The following TF variants were observed in gnomAD, a reference collection of about 807,000 sequenced individuals.
TF encodes serotransferrin.
A neutral mutation model predicts 82.4 loss-of-function variants in TF; 55 were observed. That is an observed-to-expected ratio of 0.67 (90% CI 0.54 to 0.84). TF has a LOEUF of 0.84. Ranked by LOEUF, TF falls within the 40% of genes least tolerant of loss-of-function variation. The pLI is 0.00. For missense variants in TF, 737 were observed against 868.4 expected (o/e 0.85, Z 1.90); for synonymous variants, 332 against 332.6 (o/e 1.00, Z 0.02).
rs543979200 is a variant in TF, at chr3:133,781,034, A to G, written c.*2414A>G. ...CTGGAAAATAATAAAAATAATAATAATAGGCAGGGCGTGGTGGCTCACACC... is the reference window on the plus strand; with the variant it reads ...CTGGAAAATAATAAAAATAATAATAGTAGGCAGGGCGTGGTGGCTCACACC... On this transcript the variant is annotated 3_prime_UTR_variant, in exon 17 of 17. Transcript: ENST00000402696. The G allele has an allele frequency of 6.6e-6, 1 of 150,950 alleles. No homozygotes were observed. Among genetic ancestry groups the G allele is most frequent in the East Asian group, 2.0e-4 (1 of 5,106 alleles). The allele number at this position is 150,950 out of a possible 1,614,324, so 9.4% of individuals were successfully genotyped here.
rs1002560350 is a variant in TF at position 133,790,693 on chromosome 3, G to A, written c.*12073G>A. 2.0e-5 allele frequency: 3 copies of A among 152,212 alleles called. No individual in the cohort carries two copies. The highest frequency in any genetic ancestry group is 2.1e-4 in the South Asian group (1 of 4,828). 9.4% of individuals were successfully genotyped at this position (152,212 alleles called of 1,614,324 possible). On this transcript the variant is annotated 3_prime_UTR_variant, in exon 17 of 17. Transcript: ENST00000402696. ...TTTTACTATAGTTAAGCATGAAGCC[G>A]GATTTGGTGTGGAGCCAAATTTCAC...
chr3:133,680,533 CTTT>C, the TF span, among the ~76,000 whole-genome samples: 2 of 145,238 alleles, frequency 1.4e-5, no homozygotes, highest in Admixed American at 6.9e-5. Flanking sequence ...CTTTTCTTTT[CTTT>C]TTTTTTTTTT....
At chr3:133,685,418 G>A in the TF span, among the ~76,000 whole-genome samples, 1 of 152,176 alleles carries the variant, frequency 6.6e-6, no homozygotes, top group African/African-American at 2.4e-5. Context: ...AATTCTCCCT[G>A]TGGGCAGATG....
chr3:133,732,927 C>T, the TF span, among the ~76,000 whole-genome samples: 2 of 152,274 alleles, frequency 1.3e-5, no homozygotes, highest in African/African-American at 4.8e-5. Flanking sequence ...TAGAAGTGAA[C>T]GACCAAGCCA....
In TF at chr3:133,777,173, A is replaced by G. The variant is rs1359475143; in HGVS notation, c.1997A>G (p.Tyr666Cys). ...GCCAAACTTCATGACAGAAACACATATGAAAAATACTTAGGAGAAGAATAT... is the reference window on the plus strand; with the variant it reads ...GCCAAACTTCATGACAGAAACACATGTGAAAAATACTTAGGAGAAGAATAT... ...CLAKLHDRNT[Y>C]EKYLGEEYVK... Residue 666 changes from tyrosine (Y) to cysteine (C), a missense_variant, in exon 16 of 17, where the codon TAT becomes TGT. Tyr to Cys is a radical substitution (Grantham distance 194, BLOSUM62 -2). Coordinates refer to ENST00000402696, the MANE Select transcript of TF (RefSeq NM_001063.4). 1 of 1,614,150 alleles carries G rather than the reference A, an allele frequency of 6.2e-7. No individual in the cohort carries two copies. Among genetic ancestry groups the G allele is most frequent in the South Asian group, 1.1e-5 (1 of 91,088 alleles).
At chr3:133,676,222 T>C in the TF span, among the ~76,000 whole-genome samples, 1 of 152,130 alleles carries the variant, frequency 6.6e-6, no homozygotes, top group African/African-American at 2.4e-5. Flanking sequence ...TCCCTTGACA[T>C]CTCTGAGCTG....
At chr3:133,726,443 G>T in the TF span, among the ~76,000 whole-genome samples, 3 of 152,056 alleles carry the variant, frequency 2.0e-5, no homozygotes, top group African/African-American at 7.2e-5. Flanking sequence ...GTTTATTTGC[G>T]TAGAGGTGTT....
At chr3:133,729,799 T>G in the TF span, among the ~76,000 whole-genome samples, 3 of 152,196 alleles carry the variant, frequency 2.0e-5, no homozygotes, top group Non-Finnish European at 4.4e-5. Flanking sequence ...TCGGCCATCT[T>G]GGCTCCTCCC....
chr3:133,664,655 A>G, the TF span, among the ~76,000 whole-genome samples: 13 of 152,252 alleles, frequency 8.5e-5, no homozygotes, highest in Non-Finnish European at 1.3e-4. Flanking sequence ...TAGGTTACTT[A>G]TAATACCTGA....
the TF span, among the ~76,000 whole-genome samples, chr3:133,710,616 G>T: frequency 3.9e-5 from 6 of 152,072 alleles, no homozygotes; most frequent in Non-Finnish European, 5.9e-5. Context: ...CCTCCTGGGG[G>T]CTGCACCTCC....
chr3:133,739,212 G>A, the TF span, among the ~76,000 whole-genome samples: 1 of 152,128 alleles, frequency 6.6e-6, no homozygotes, highest in African/African-American at 2.4e-5. Context: ...CAAGCAATGG[G>A]GAAAGGATTC....
intron 3 of TF, 126 bp from the exon 4 acceptor site, chr3:133,754,369 C>G: frequency 1.0e-6 from 1 of 953,160 alleles, no homozygotes; most frequent in South Asian, 1.3e-5. Flanking sequence ...ATTCCCCACT[C>G]CTTATCGCCC....
At chr3:133,732,664 G>GACC in the TF span, among the ~76,000 whole-genome samples, 2 of 152,174 alleles carry the variant, frequency 1.3e-5, no homozygotes, top group Non-Finnish European at 2.9e-5. Context: ...AAGTCAGCAA[G>GACC]ACCACCAGCA....
At chr3:133,724,484 C>T in the TF span, among the ~76,000 whole-genome samples, 3 of 152,194 alleles carry the variant, frequency 2.0e-5, no homozygotes, top group Admixed American at 2.0e-4. Flanking sequence ...ATATCCTTTG[C>T]CCACATTTGA....
the TF span, among the ~76,000 whole-genome samples, chr3:133,666,124 T>C: frequency 6.6e-6 from 1 of 152,172 alleles, no homozygotes; most frequent in Non-Finnish European, 1.5e-5. Flanking sequence ...TATGTTTGTT[T>C]CCAATGCTGT....
At chr3:133,723,123 G>A in the TF span, among the ~76,000 whole-genome samples, 1 of 152,078 alleles carries the variant, frequency 6.6e-6, no homozygotes, top group Non-Finnish European at 1.5e-5. Flanking sequence ...GGTCTGCAAA[G>A]TTTCTGCTGA....
chr3:133,755,791 AT>A, intron 5 of TF: 1 of 496,040 alleles, frequency 2.0e-6, no homozygotes, highest in Non-Finnish European at 3.7e-6. Context: ...TGAAAGGACA[AT>A]CATGCCTCTA....
the TF span, among the ~76,000 whole-genome samples, chr3:133,719,058 T>G: frequency 2.0e-5 from 3 of 152,184 alleles, no homozygotes; most frequent in African/African-American, 7.2e-5. Context: ...AACACTGATT[T>G]TGGATGTGCT....
the TF span, among the ~76,000 whole-genome samples, chr3:133,714,682 T>G: frequency 6.6e-6 from 1 of 152,128 alleles, no homozygotes; most frequent in East Asian, 1.9e-4. Context: ...GTTGTTTTTT[T>G]GTTTGTTTGT....
Sources: allele counts gnomAD v4.1 joint callset (sites outside exome capture counted in the v4.1 genomes callset), GRCh38; gene constraint gnomAD v4.1.1; transcripts MANE v1.5; gene names NCBI Gene and HGNC (gene_info 2026-07-23, HGNC 2026-07-21).